The following NEB variants were observed in gnomAD, a reference collection of about 807,000 sequenced individuals.
NEB encodes the protein nemaline myopathy type 2.
In NEB, 512 loss-of-function variants were observed where a neutral mutation model predicts 952.2. That is an observed-to-expected ratio of 0.54 (90% CI 0.50 to 0.58). The LOEUF is 0.58. Ranked by LOEUF, NEB falls within the 20% of genes least tolerant of loss-of-function variation. The pLI is 0.00. For synonymous variants in NEB, 2,900 were observed against 3,149.8 expected (o/e 0.92, Z 2.66); for missense variants, 8,428 against 9,231.1 (o/e 0.91, Z 3.56).
At position 151,718,002 on chromosome 2, in the gene NEB, C is replaced by T. The variant is rs187589358; in HGVS notation, c.718-482G>A. Among the ~76,000 whole-genome samples the T allele has an allele frequency of 5.6e-3, 856 of 152,150 alleles. 5 individuals carry two copies. Among genetic ancestry groups the T allele is most frequent in the Non-Finnish European group, 9.3e-3 (631 of 67,992 alleles). On this transcript the variant is annotated intron_variant, in intron 9 of 181. Coordinates refer to ENST00000397345, the MANE Select transcript of NEB (RefSeq NM_001164508.2). The stretch of plus-strand genomic sequence containing the variant: ...CCGAGCAGCTGGGACTACAGGCACC[C>T]GCCACCGTGCCCGGCTAATTTGTTG...
intron 142 of NEB, chr2:151,534,407 A>G: frequency 9.1e-7 from 1 of 1,098,384 alleles, no homozygotes; most frequent in East Asian, 2.4e-5. Flanking sequence ...AGAGGGCCAG[A>G]ACATGTCATC....
At chr2:151,518,294 A>G (rs2079437185) in intron 156 of NEB, 24 bp downstream of exon 156, 3 of 1,514,742 alleles carry the variant, frequency 2.0e-6, no homozygotes, top group African/African-American at 2.8e-5. Context: ...GCGCCAGAGG[A>G]AAAATCGGTC....
At chr2:151,577,894 C>G (rs2096936573) in intron 105 of NEB, among the ~76,000 whole-genome samples, 1 of 152,148 alleles carries the variant, frequency 6.6e-6, no homozygotes, top group Non-Finnish European at 1.5e-5. Context: ...CATGTTTTTT[C>G]TTCTTCTTTA....
chr2:151,677,730 A>G lies in NEB; in HGVS notation c.3609T>C (p.Ile1203=), dbSNP rs1411839904. The part of the protein sequence containing the change: ...KEDYNNWMKG[I]GWIPIGSLDV... ...CGAGACTGCCAATAGGAATCCAGCCAATGCCTTTCATCCAGTTGTTGTAGT... is the reference window on the plus strand; with the variant it reads ...CGAGACTGCCAATAGGAATCCAGCCGATGCCTTTCATCCAGTTGTTGTAGT... The change falls in exon 34 of 182, where the codon ATT becomes ATC. Residue 1203 remains isoleucine (I), a synonymous_variant. Transcript: ENST00000397345. 2 of 1,613,884 alleles carry G rather than the reference A, an allele frequency of 1.2e-6. No individual in the cohort carries two copies. The highest frequency in any genetic ancestry group is 1.7e-6 in the Non-Finnish European group (2 of 1,179,898).
chr2:151,541,844 A>C (rs1004891561), intron 135 of NEB, among the ~76,000 whole-genome samples: 21 of 151,874 alleles, frequency 1.4e-4, no homozygotes, highest in Non-Finnish European at 2.5e-4. Flanking sequence ...AACTGTCTCC[A>C]TCTCCTCTGT....
rs764471883 is a variant in NEB at position 151,644,107 on chromosome 2, C to T, written c.7667G>A (p.Arg2556His). The T allele has an allele frequency of 2.7e-5, 43 of 1,613,844 alleles. No homozygotes were observed. The highest frequency in any genetic ancestry group is 1.6e-4 in the Middle Eastern group (1 of 6,062). The change falls in exon 57 of 182, where the codon CGC (arginine) becomes CAC (histidine). Residue 2556 changes from arginine to histidine, a missense_variant. By Grantham distance (29) the Arg-to-His change is conservative. Around this residue, in one of 11 missense-constraint regions of NEB, gnomAD observed 1,772 missense variants for 1,960.3 expected, o/e 0.90. Transcript: ENST00000397345. ...ASEYKYKEGF[R>H]KQLGHHIGAR... is the part of the protein sequence containing the mutation. ...ACCAATGTGGTGGCCGAGCTGCTTGCGAAAGCCTTCCTTGTACTTGTACTA... is the reference window on the plus strand; with the variant it reads ...ACCAATGTGGTGGCCGAGCTGCTTGTGAAAGCCTTCCTTGTACTTGTACTA...
intron 129 of NEB, 31 bp downstream of exon 129, chr2:151,551,707 T>C: frequency 6.5e-7 from 1 of 1,544,136 alleles, no homozygotes; most frequent in Non-Finnish European, 8.9e-7. Context: ...AACGGATTTC[T>C]GCTGGGCACT....
chr2:151,672,022 T>C (rs373635403), intron 37 of NEB, among the ~76,000 whole-genome samples: 6 of 152,014 alleles, frequency 3.9e-5, no homozygotes, highest in Non-Finnish European at 5.9e-5. Flanking sequence ...TCAGGAAGGA[T>C]AGAAAATTCT....
intron 10 of NEB, chr2:151,716,258 C>A: frequency 3.1e-6 from 1 of 321,272 alleles, no homozygotes; most frequent in Non-Finnish European, 6.1e-6. Flanking sequence ...CCTGCCTCAG[C>A]CTCCCAAGTA....
chr2:151,669,094 T>C lies in NEB; in HGVS notation c.4544A>G (p.Lys1515Arg), dbSNP rs1329175502. The C allele has an allele frequency of 1.9e-6, 3 of 1,591,464 alleles. No individual in the cohort carries two copies. The African/African-American group carries it at 4.0e-5, about 21-fold the overall frequency. The change falls in exon 39 of 182, where the codon AAG becomes AGG. Residue 1515 changes from lysine (K) to arginine (R), a missense_variant. This residue lies in a region of NEB where 2,851 missense variants were observed against 2,791.5 expected (regional missense o/e 1.02). Coordinates refer to ENST00000397345, the MANE Select transcript of NEB (RefSeq NM_001164508.2). ...YKVEGEKLKH[K>R]YTIDPELPQF... is the part of the protein sequence containing the mutation. ...AGGCAATTCAGGGTCAATAGTATAC[T>C]TGTGCTTCAGTTTCTCTCCCTCTAC... is the stretch of plus-strand genomic sequence containing the variant.
In NEB at chr2:151,619,764, T is replaced by C. The variant is rs1560522353; in HGVS notation, c.10561-2A>G. The stretch of plus-strand genomic sequence containing the variant: ...ACGATATGCTTCTTTGTATTTGTAC[T>C]GAAAGAGAGAATCCAGTAAATAAGA... On this transcript the variant is annotated splice_acceptor_variant, in intron 72 of 181. Coordinates refer to ENST00000397345, the MANE Select transcript of NEB (RefSeq NM_001164508.2). LOFTEE classifies it high-confidence loss of function. 1 of 1,600,214 alleles carries C rather than the reference T, an allele frequency of 6.2e-7. No homozygotes were observed. The highest frequency in any genetic ancestry group is 2.2e-5 in the East Asian group (1 of 44,480).
intron 7 of NEB, 106 bp downstream of exon 7, chr2:151,724,751 T>A: frequency 1.2e-6 from 1 of 838,436 alleles, no homozygotes; most frequent in Non-Finnish European, 1.9e-6. Flanking sequence ...ACACTGCCCA[T>A]GAGGCTGGTG....
In NEB at chr2:151,506,926, G is replaced by A. The variant is rs2069534941; in HGVS notation, c.23539C>T (p.Gln7847Ter). 1.2e-6 allele frequency: 2 copies of A among 1,605,700 alleles called. No homozygotes were observed. Among genetic ancestry groups the A allele is most frequent in the Non-Finnish European group, 1.7e-6 (2 of 1,173,768 alleles). The change falls in exon 163 of 182, where the codon CAG (glutamine) becomes TAG (stop). Residue 7847 changes from glutamine to a stop codon, truncating the protein, a stop_gained. Coordinates refer to ENST00000397345, the MANE Select transcript of NEB (RefSeq NM_001164508.2). LOFTEE classifies it high-confidence loss of function. Reference protein sequence around the residue: ...TPEILRVKENQKNFSSVLYKE... With the variant: ...TPEILRVKEN ...AAATATACCGAGCTGAAATTCTTCT[G>A]ATTTTCTTTTACACGCAGTATTTCT...
At position 151,492,157 on chromosome 2, in the gene NEB, T is replaced by A. The variant is rs759958496; in HGVS notation, c.24998A>T (p.Gln8333Leu). ...DFSDINYRGI[Q>L]RKVVEMEQKR... ...TTGTTCCATTTCTACCACTTTCCTC[T>A]GAATACCTCGGTAGTTAATGTCACT... is the stretch of plus-strand genomic sequence containing the variant. The change falls in exon 178 of 182, where the codon CAG becomes CTG. Residue 8333 changes from glutamine to leucine, a missense_variant. Gln to Leu is a moderately radical substitution (Grantham distance 113). This residue lies in a region of NEB where 3,374 missense variants were observed against 3,651.5 expected (regional missense o/e 0.92). Transcript: ENST00000397345. 4.3e-6 allele frequency: 7 copies of A among 1,613,848 alleles called. No individual in the cohort carries two copies. Among genetic ancestry groups the A allele is most frequent in the Non-Finnish European group, 5.9e-6 (7 of 1,179,882 alleles).
chr2:151,519,089 A>C lies in NEB; in HGVS notation c.22591-20T>G. On this transcript the variant is annotated intron_variant, in intron 154 of 181. Transcript: ENST00000397345. ...TTTAACCTGTGTGTTATGGGGGAAG[A>C]AAGGAAATCACGTAAATAGGAAATG... 3.4e-6 allele frequency: 5 copies of C among 1,474,378 alleles called. No homozygotes were observed. Among genetic ancestry groups the C allele is most frequent in the Non-Finnish European group, 4.7e-6 (5 of 1,053,082 alleles). The allele number at this position is 1,474,378 out of a possible 1,614,324, so 91.3% of individuals were successfully genotyped here. A position where few individuals can be genotyped will look rare whatever the true frequency, so the allele number is the denominator to read the frequency against.
chr2:151,709,507 T>A, intron 12 of NEB, 149 bp downstream of exon 12: 1 of 564,610 alleles, frequency 1.8e-6, no homozygotes, highest in Non-Finnish European at 3.1e-6. Flanking sequence ...CTACTCTTTT[T>A]CAAATGCCTC....
chr2:151,581,643 A>G (rs1202047969), intron 102 of NEB, 56 bp from the exon 103 acceptor site: 1 of 1,449,398 alleles, frequency 6.9e-7, no homozygotes, highest in Admixed American at 2.0e-5. Context: ...CAATTACCAC[A>G]TAAATAAAAT....
chr2:151,722,224 G>T (rs763174825), intron 9 of NEB, among the ~76,000 whole-genome samples: 1 of 152,224 alleles, frequency 6.6e-6, no homozygotes, highest in Non-Finnish European at 1.5e-5. Flanking sequence ...CTCTGCTGAA[G>T]ACTGGAGTAG....
intron 136 of NEB, 132 bp downstream of exon 136, chr2:151,541,315 C>T: frequency 1.6e-6 from 1 of 612,564 alleles, no homozygotes. Flanking sequence ...TCTTCAAGTG[C>T]AGTGTTAATG....
Sources: gnomAD v4.1 joint callset for allele counts (sites outside exome capture counted in the v4.1 genomes callset) on GRCh38, gnomAD v4.1.1 for gene constraint, gnomAD v4.1.1 regional missense constraint, MANE v1.5 for transcripts, NCBI Gene and HGNC (gene_info 2026-07-23, HGNC 2026-07-21) for gene names.